Variants in ZNF724 observed in about 807,000 individuals in gnomAD.
ZNF724 encodes the protein zinc finger protein 724.
ZNF724 carries 14 observed loss-of-function variants against 29.3 expected under a neutral mutation model. The ratio of observed to expected loss-of-function variants is 0.48; its 90% CI spans 0.32 to 0.75. The LOEUF (loss-of-function observed/expected upper bound fraction) is 0.75, where lower values mean the gene tolerates loss of function less well. ZNF724 is among the 30% of genes least tolerant of loss of function. ZNF724 has a pLI of 0.04. For missense variants in ZNF724, 557 were observed against 571.2 expected, an observed-to-expected ratio of 0.98 and a Z score of 0.25; for synonymous variants, 180 against 193.6, an observed-to-expected ratio of 0.93 and a Z score of 0.58.
intron 1 of ZNF724, among the ~76,000 whole-genome samples, chr19:23,235,552 A>T (rs1972010497): frequency 6.6e-6 from 1 of 152,198 alleles, no homozygotes; most frequent in Non-Finnish European, 1.5e-5. Flanking sequence ...GTTTCAGAAA[A>T]TTGTGAGCAC....
intron 3 of ZNF724, among the ~76,000 whole-genome samples, chr19:23,230,520 G>A (rs1027141484): frequency 6.6e-6 from 1 of 151,856 alleles, no homozygotes; most frequent in Non-Finnish European, 1.5e-5. Context: ...GGAATGTGCA[G>A]AAAAAATGAA....
At chr19:23,237,162 G>A (rs916413461) in intron 1 of ZNF724, among the ~76,000 whole-genome samples, 1 of 151,998 alleles carries the variant, frequency 6.6e-6, no homozygotes, top group Non-Finnish European at 1.5e-5. Flanking sequence ...CTTCACCAAC[G>A]TTTTTTGATG....
chr19:23,235,113 G>C (rs1273790248), intron 1 of ZNF724, among the ~76,000 whole-genome samples: 6 of 152,224 alleles, frequency 3.9e-5, no homozygotes, highest in Admixed American at 2.6e-4. Context: ...CTATTGAAAT[G>C]TTTATAAAGC....
chr19:23,229,567 C>T (rs967858880), intron 3 of ZNF724, among the ~76,000 whole-genome samples: 1 of 152,182 alleles, frequency 6.6e-6, no homozygotes, highest in Non-Finnish European at 1.5e-5. Flanking sequence ...AGTGTCTGCC[C>T]TACAGATCAA....
rs1488337603 is a variant in ZNF724 at position 23,243,493 on chromosome 19, A to T, written c.3+6747T>A. On this transcript the variant is annotated intron_variant, in intron 1 of 3. Transcript: ENST00000418100. ...TCCATCTCAAAAAAAAAAAAAAAAA[A>T]AAAAAAAAGGTAAACTGATGCAGAA... Among the ~76,000 whole-genome samples, 7 of 150,636 alleles carry T rather than the reference A, an allele frequency of 4.6e-5. No individual in the cohort carries two copies. In the South Asian group the frequency reaches 1.0e-3, roughly 22 times the overall value.
intron 1 of ZNF724, among the ~76,000 whole-genome samples, chr19:23,247,430 T>C (rs10410902): frequency 0.48 from 73,465 of 151,970 alleles, 19,470 homozygotes; most frequent in East Asian, 0.68. Context: ...AGTGAACAAA[T>C]CTTTTCAAGG....
intron 1 of ZNF724, among the ~76,000 whole-genome samples, chr19:23,249,319 C>G (rs564395502): frequency 7.3e-4 from 109 of 149,240 alleles, no homozygotes; most frequent in African/African-American, 2.5e-3. Flanking sequence ...TCTTGGCTCA[C>G]TGCAACCTCC....
At chr19:23,233,659 A>G (rs1251023354) in intron 1 of ZNF724, among the ~76,000 whole-genome samples, 1 of 152,214 alleles carries the variant, frequency 6.6e-6, no homozygotes, top group Non-Finnish European at 1.5e-5. Flanking sequence ...GATTATCATA[A>G]GAATTTTAAA....
At chr19:23,240,192 TG>T (rs751440774) in intron 1 of ZNF724, among the ~76,000 whole-genome samples, 1 of 150,830 alleles carries the variant, frequency 6.6e-6, no homozygotes. Context: ...GGTGCATGCC[TG>T]TAGTCCCACC....
In ZNF724 at chr19:23,238,292, G is replaced by A. The variant is rs907766700; in HGVS notation, c.4-5999C>T. Among the ~76,000 whole-genome samples, 161 of 152,064 alleles carry A rather than the reference G, an allele frequency of 1.1e-3. 1 individual carries two copies. The highest frequency in any genetic ancestry group is 2.9e-4 in the Non-Finnish European group (20 of 68,002). On this transcript the variant is annotated intron_variant, in intron 1 of 3. Coordinates refer to ENST00000418100, the MANE Select transcript of ZNF724 (RefSeq NM_001355404.2). ...AGGCAGGAGAATGGCGTGAACCCGG[G>A]AGGCAGAGCTTGCAATGAGCCCAGA... is the stretch of plus-strand genomic sequence containing the variant.
intron 1 of ZNF724, among the ~76,000 whole-genome samples, chr19:23,248,752 A>C (rs1165165882): frequency 6.6e-6 from 1 of 152,084 alleles, no homozygotes; most frequent in Non-Finnish European, 1.5e-5. Flanking sequence ...CCTACCACTT[A>C]GGGAGGCTGA....
At chr19:23,233,544 C>T (rs1424614978) in intron 1 of ZNF724, among the ~76,000 whole-genome samples, 3 of 152,062 alleles carry the variant, frequency 2.0e-5, no homozygotes, top group Non-Finnish European at 4.4e-5. Flanking sequence ...ACTTTTAATA[C>T]TGCAGATCAT....
At chr19:23,229,197 G>A (rs1303300337) in intron 3 of ZNF724, among the ~76,000 whole-genome samples, 1 of 152,122 alleles carries the variant, frequency 6.6e-6, no homozygotes, top group Non-Finnish European at 1.5e-5. Flanking sequence ...GTAAACTACA[G>A]GACCTCTGTT....
rs1370441801 is a variant in ZNF724, at chr19:23,227,555, C to CAAA, written c.227-3540_227-3538dup. 4.3e-4 allele frequency among the ~76,000 whole-genome samples: 33 copies of CAAA among 76,026 alleles called. 1 individual carries two copies. The highest frequency in any genetic ancestry group is 1.2e-3 in the African/African-American group (26 of 22,164). 49.9% of individuals were successfully genotyped at this position (76,026 alleles called of 152,430 possible). On this transcript the variant is annotated intron_variant, in intron 3 of 3. Transcript: ENST00000418100. ...TGGGCAACAGAGTGAGGCTCCATCT[C>CAAA]AAAAAAAAAAAAAAACAAAAAAAAA...
chr19:23,226,614 A>G (rs1971832171), intron 3 of ZNF724, among the ~76,000 whole-genome samples: 1 of 152,216 alleles, frequency 6.6e-6, no homozygotes, highest in Non-Finnish European at 1.5e-5. Context: ...GTGATCTGAA[A>G]GGAACACAAA....
At position 23,235,903 on chromosome 19, in the gene ZNF724, A is replaced by G. The variant is rs561794468; in HGVS notation, c.4-3610T>C. On this transcript the variant is annotated intron_variant, in intron 1 of 3. Transcript: ENST00000418100. Reference sequence around the variant, plus strand: ...ACAATTAAACCAGAATGTGACATGCATCACAGTCAATCTTCTTAAGAGATT... The same window carrying G: ...ACAATTAAACCAGAATGTGACATGCGTCACAGTCAATCTTCTTAAGAGATT... Among the ~76,000 whole-genome samples, 3 of 152,318 alleles carry G rather than the reference A, an allele frequency of 2.0e-5. No individual in the cohort carries two copies. In the South Asian group the frequency reaches 6.2e-4, roughly 32 times the overall value.
intron 3 of ZNF724, among the ~76,000 whole-genome samples, chr19:23,227,580 AC>A (rs1477529674): frequency 7.4e-5 from 11 of 149,458 alleles, no homozygotes; most frequent in African/African-American, 2.2e-4. Flanking sequence ...ACAAAAAAAA[AC>A]AAGTTAAATT....
Position 23,222,212 on chromosome 19 carries a change from A to G in ZNF724, c.*173T>C, listed in dbSNP as rs2145765300. On this transcript the variant is annotated 3_prime_UTR_variant, in exon 4 of 4. Transcript: ENST00000418100. ...CAACCATTTAAAGGTGTTTAGAAAT[A>G]TTGAGGTGTTGTCAACTGCACTGTT... is the stretch of plus-strand genomic sequence containing the variant. 1.8e-6 allele frequency: 1 copy of G among 555,218 alleles called. No individual in the cohort carries two copies. Among genetic ancestry groups the G allele is most frequent in the Non-Finnish European group, 3.2e-6 (1 of 314,092 alleles). The allele number at this position is 555,218 out of a possible 1,614,324, so 34.4% of individuals were successfully genotyped here.
At position 23,223,686 on chromosome 19, in the gene ZNF724, G is replaced by T. The variant is rs1474855882; in HGVS notation, c.559C>A (p.Gln187Lys). Residue 187 changes from glutamine (Q) to lysine (K), a missense_variant, in exon 4 of 4, where the codon CAA (glutamine) becomes AAA (lysine). Transcript: ENST00000418100. ...KSFCVLSHLT[Q>K]HKRIHTTVNS... ...ACAGTAGTGTGAATTCTTTTATGTT[G>T]AGTTAGGTGTGAAAGAACACAAAAT... 1 of 716,078 alleles carries T rather than the reference G, an allele frequency of 1.4e-6. No homozygotes were observed. Among genetic ancestry groups the T allele is most frequent in the Non-Finnish European group, 2.6e-6 (1 of 386,010 alleles). 44.4% of individuals were successfully genotyped at this position (716,078 alleles called of 1,614,324 possible).
Sources: gnomAD v4.1 joint callset for allele counts (sites outside exome capture counted in the v4.1 genomes callset) on GRCh38, gnomAD v4.1.1 for gene constraint, MANE v1.5 for transcripts, NCBI Gene and HGNC (gene_info 2026-07-23, HGNC 2026-07-21) for gene names.